Variants in SLCO5A1 observed in about 807,000 individuals in gnomAD.
SLCO5A1 encodes organic anion transporter polypeptide-related protein 4.
SLCO5A1 carries 39 observed loss-of-function variants against 65.1 expected under a neutral mutation model. The ratio of observed to expected loss-of-function variants is 0.60; its 90% CI spans 0.46 to 0.78. The LOEUF (loss-of-function observed/expected upper bound fraction) is 0.78. Ranked by LOEUF, SLCO5A1 falls within the 30% of genes least tolerant of loss-of-function variation. The pLI is 0.00. For missense variants in SLCO5A1, 1,029 were observed against 1,069.4 expected (o/e 0.96, Z 0.53); for synonymous variants, 438 against 415.7 (o/e 1.05, Z -0.65).
At position 69,680,789 on chromosome 8, in the gene SLCO5A1, C is replaced by A. The variant is rs569674531; in HGVS notation, c.1783-1170G>T. 3.9e-5 allele frequency among the ~76,000 whole-genome samples: 6 copies of A among 152,220 alleles called. No individual in the cohort carries two copies. The East Asian group carries it at 1.2e-3, about 29-fold the overall frequency. On this transcript the variant is annotated intron_variant, in intron 7 of 9. Coordinates refer to ENST00000260126, the MANE Select transcript of SLCO5A1 (RefSeq NM_030958.3). ...TTGAAGTCCCTTTAGTTAGCTGGTG[C>A]CCTACACCCTATAGAAGAGCAACCA...
intron 2 of SLCO5A1, among the ~76,000 whole-genome samples, chr8:69,814,939 T>C (rs1820342721): frequency 6.6e-6 from 1 of 152,186 alleles, no homozygotes; most frequent in Non-Finnish European, 1.5e-5. Flanking sequence ...TATGAAATCA[T>C]GTTCACTTGT....
chr8:69,779,003 G>C (rs763604229), intron 2 of SLCO5A1, among the ~76,000 whole-genome samples: 3 of 152,174 alleles, frequency 2.0e-5, no homozygotes, highest in Non-Finnish European at 2.9e-5. Context: ...TTAGAAAACA[G>C]CTATATGGAT....
rs532974045 is a variant in SLCO5A1 at position 69,823,236 on chromosome 8, A to C, written c.907+8531T>G. On this transcript the variant is annotated intron_variant, in intron 2 of 9. Transcript: ENST00000260126. ...AACTAACAAGCAAAATAATCAGCTA[A>C]CATCATAAAGACAGGATCAAAGTCA... 1.1e-3 allele frequency among the ~76,000 whole-genome samples: 165 copies of C among 152,342 alleles called. 1 individual carries two copies. Among genetic ancestry groups the C allele is most frequent in the Middle Eastern group, 0.01 (3 of 294 alleles).
intron 6 of SLCO5A1, among the ~76,000 whole-genome samples, chr8:69,688,258 T>A (rs1378181026): frequency 6.6e-6 from 1 of 152,180 alleles, no homozygotes; most frequent in East Asian, 1.9e-4. Flanking sequence ...AGCAAACTTC[T>A]TTCCCCTCTA....
At chr8:69,701,601 C>A (rs1360193668) in intron 6 of SLCO5A1, among the ~76,000 whole-genome samples, 3 of 152,184 alleles carry the variant, frequency 2.0e-5, no homozygotes, top group African/African-American at 7.2e-5. Flanking sequence ...TAAACTCAAC[C>A]AATTGTCATC....
At position 69,669,014 on chromosome 8, in the gene SLCO5A1, A is replaced by G. The variant is rs1813259528; in HGVS notation, c.*3855T>C. 1 of 152,156 alleles carries G rather than the reference A, an allele frequency of 6.6e-6. No homozygotes were observed. The highest frequency in any genetic ancestry group is 1.5e-5 in the Non-Finnish European group (1 of 68,016). 9.4% of individuals were successfully genotyped at this position (152,156 alleles called of 1,614,324 possible). On this transcript the variant is annotated 3_prime_UTR_variant, in exon 10 of 10. Transcript: ENST00000260126. The stretch of plus-strand genomic sequence containing the variant: ...GAAAATAAAAAAAAATACACTTGAA[A>G]TCCCTAAAGCTCAGATTCAACAAAT...
chr8:69,786,730 C>G (rs1477882842), intron 2 of SLCO5A1, among the ~76,000 whole-genome samples: 2 of 152,170 alleles, frequency 1.3e-5, no homozygotes. Flanking sequence ...ACTTGGTCAT[C>G]TAGAATCCCT....
intron 6 of SLCO5A1, among the ~76,000 whole-genome samples, chr8:69,698,810 TG>T (rs1814604091): frequency 6.6e-6 from 1 of 152,228 alleles, no homozygotes; most frequent in Non-Finnish European, 1.5e-5. Context: ...TTTCTTCCCA[TG>T]TTCCCTTTCC....
intron 4 of SLCO5A1, among the ~76,000 whole-genome samples, chr8:69,747,353 A>C (rs920108075): frequency 1.3e-5 from 2 of 152,052 alleles, no homozygotes; most frequent in Non-Finnish European, 2.9e-5. Context: ...TTGGTCCTCT[A>C]TATCCATGGA....
intron 5 of SLCO5A1, among the ~76,000 whole-genome samples, chr8:69,720,817 T>C (rs1237407188): frequency 6.6e-6 from 1 of 152,230 alleles, no homozygotes; most frequent in African/African-American, 2.4e-5. Context: ...AGTTGACAAG[T>C]TTTTCTATTA....
rs1485205986 is a variant in SLCO5A1, at chr8:69,795,027, C to T, written c.908-33152G>A. On this transcript the variant is annotated intron_variant, in intron 2 of 9. Transcript: ENST00000260126. ...CAGCACTGAGGGGATGGTGCTAAAC[C>T]ATTCATGAGGGACAACCCCTGTGAT... Among the ~76,000 whole-genome samples, 3 of 152,160 alleles carry T rather than the reference C, an allele frequency of 2.0e-5. No individual in the cohort carries two copies. The East Asian group carries it at 5.8e-4, about 29-fold the overall frequency.
At chr8:69,759,942 C>T (rs557435999) in intron 3 of SLCO5A1, among the ~76,000 whole-genome samples, 8 of 152,304 alleles carry the variant, frequency 5.3e-5, no homozygotes, top group Non-Finnish European at 7.4e-5. Context: ...CCACCTTACC[C>T]GGCCCTCATC....
At chr8:69,747,822 T>A (rs1008165157) in intron 4 of SLCO5A1, among the ~76,000 whole-genome samples, 2 of 152,224 alleles carry the variant, frequency 1.3e-5, no homozygotes, top group African/African-American at 4.8e-5. Context: ...CTTAGTAACT[T>A]CTATGGCCTG....
At chr8:69,717,003 C>T (rs181067112) in intron 5 of SLCO5A1, among the ~76,000 whole-genome samples, 132 of 152,282 alleles carry the variant, frequency 8.7e-4, no homozygotes, top group African/African-American at 2.7e-3. Context: ...TGCTCTCAAA[C>T]TCCTGGGCTC....
chr8:69,738,445 C>A (rs997650983), intron 4 of SLCO5A1, among the ~76,000 whole-genome samples: 6 of 151,522 alleles, frequency 4.0e-5, no homozygotes, highest in Non-Finnish European at 5.9e-5. Flanking sequence ...AAAAACATAC[C>A]CATACACAAA....
At position 69,682,427 on chromosome 8, in the gene SLCO5A1, A is replaced by G. The variant is rs149852744; in HGVS notation, c.1623-84T>C. On this transcript the variant is annotated intron_variant, in intron 6 of 9. Transcript: ENST00000260126. ...AGGTCTTGAAATTAATAATTTGTCC[A>G]TTTTAGAGAAAATATTCTTCCCATT... 8.4e-4 allele frequency: 1,093 copies of G among 1,307,318 alleles called. 13 individuals carry two copies. In the Admixed American group the frequency reaches 0.029, roughly 35 times the overall value. 81.0% of individuals were successfully genotyped at this position (1,307,318 alleles called of 1,614,324 possible). A position where few individuals can be genotyped will look rare whatever the true frequency, so the allele number is the denominator to read the frequency against.
chr8:69,795,532 G>T (rs973684853), intron 2 of SLCO5A1, among the ~76,000 whole-genome samples: 11 of 152,200 alleles, frequency 7.2e-5, no homozygotes, highest in Admixed American at 5.2e-4. Flanking sequence ...CAAGGGGTGG[G>T]CTCCCAAGGC....
At chr8:69,819,946 G>C (rs1157189643) in intron 2 of SLCO5A1, among the ~76,000 whole-genome samples, 1 of 152,158 alleles carries the variant, frequency 6.6e-6, no homozygotes, top group Non-Finnish European at 1.5e-5. Flanking sequence ...CTGGGTGGCA[G>C]AGCAAGACTC....
chr8:69,808,933 C>T (rs754289634), intron 2 of SLCO5A1, among the ~76,000 whole-genome samples: 127 of 151,988 alleles, frequency 8.4e-4, no homozygotes, highest in Non-Finnish European at 1.6e-3. Context: ...GATGAAATCC[C>T]GTCTCTACTA....
Sources: gnomAD v4.1 joint callset for allele counts (sites outside exome capture counted in the v4.1 genomes callset) on GRCh38, gnomAD v4.1.1 for gene constraint, MANE v1.5 for transcripts, NCBI Gene and HGNC (gene_info 2026-07-23, HGNC 2026-07-21) for gene names.